Variants in DOCK9 observed in about 807,000 individuals in gnomAD.
DOCK9 encodes dedicator of cytokinesis 9, also known as dedicator of cytokinesis protein 9.
DOCK9 carries 89 observed loss-of-function variants against 263.3 expected under a neutral mutation model. The observed-to-expected ratio is 0.34, with a 90% CI of 0.28 to 0.40. The LOEUF (loss-of-function observed/expected upper bound fraction) is 0.40. DOCK9 is among the 10% of genes least tolerant of loss of function. The pLI is 1.00. For missense variants in DOCK9, 2,140 were observed against 2,603.4 expected (o/e 0.82, Z 3.87); for synonymous variants, 976 against 973.1 (o/e 1.00, Z -0.06).
intron 3 of DOCK9, among the ~76,000 whole-genome samples, chr13:98,928,070 T>C (rs1255214061): frequency 6.7e-6 from 1 of 149,796 alleles, no homozygotes; most frequent in East Asian, 1.9e-4. Context: ...GATTCATTGA[T>C]TTAACAAGCC....
chr13:99,073,480 T>C (rs989618058), intron 1 of DOCK9, among the ~76,000 whole-genome samples: 1 of 151,956 alleles, frequency 6.6e-6, no homozygotes, highest in South Asian at 2.1e-4. Flanking sequence ...TTCTATTGCA[T>C]TGAGGGCCCA....
At position 99,047,132 on chromosome 13, in the gene DOCK9, T is replaced by G. The variant is rs201525795; in HGVS notation, c.129+39091A>C. 5.3e-5 allele frequency among the ~76,000 whole-genome samples: 8 copies of G among 152,358 alleles called. No individual in the cohort carries two copies. In the East Asian group the frequency reaches 1.5e-3, roughly 29 times the overall value. ...AAATAAAAATGGCCAAGCCTATGAG[T>G]AAACTTTTCCTCATGGTAAAGTTTC... On this transcript the variant is annotated intron_variant, in intron 1 of 32. Transcript: ENST00000427887.
At chr13:98,868,686 C>T (rs1434874962) in intron 27 of DOCK9, among the ~76,000 whole-genome samples, 1 of 152,150 alleles carries the variant, frequency 6.6e-6, no homozygotes, top group Non-Finnish European at 1.5e-5. Flanking sequence ...GCCCAGCAGT[C>T]TGAGGCTGCA....
intron 1 of DOCK9, among the ~76,000 whole-genome samples, chr13:99,047,518 T>TA (rs11445079): frequency 7.0e-5 from 3 of 43,062 alleles, no homozygotes; most frequent in Middle Eastern, 0.025. Flanking sequence ...GTTCTAATCC[T>TA]TTTTTTTTTT....
chr13:98,797,104 G>A lies in DOCK9; in HGVS notation c.6156+11C>T. The A allele has an allele frequency of 1.2e-6, 2 of 1,614,002 alleles. No individual in the cohort carries two copies. The highest frequency in any genetic ancestry group is 1.7e-6 in the Non-Finnish European group (2 of 1,179,890). ...AGAACTCCAAGTTGTTGGAGCCAGT[G>A]CGGCCCTCACCTGCTCATGCATGAT... On this transcript the variant is annotated intron_variant, in intron 52 of 52. Transcript: ENST00000682017.
At chr13:98,860,800 C>CT (rs1488388914) in intron 32 of DOCK9, among the ~76,000 whole-genome samples, 1 of 152,168 alleles carries the variant, frequency 6.6e-6, no homozygotes, top group African/African-American at 2.4e-5. Context: ...TTGCTAACAC[C>CT]TTTCCCTTTC....
intron 3 of DOCK9, 100 bp downstream of exon 3, chr13:98,930,068 C>A: frequency 1.9e-6 from 2 of 1,052,306 alleles, no homozygotes. Context: ...AATACAATTA[C>A]CCTTTTGACA....
At chr13:98,858,266 C>T (rs2093756581) in intron 33 of DOCK9, 1 of 152,178 alleles carries the variant, frequency 6.6e-6, no homozygotes, top group African/African-American at 2.4e-5. Flanking sequence ...TCCCTTGGTA[C>T]CACTGAGTAG....
At chr13:99,053,919 A>G (rs2040811475) in intron 1 of DOCK9, among the ~76,000 whole-genome samples, 2 of 152,232 alleles carry the variant, frequency 1.3e-5, no homozygotes, top group African/African-American at 4.8e-5. Context: ...CATTGAAAAA[A>G]AAACACAAAG....
chr13:98,999,819 G>A (rs1409783804), intron 1 of DOCK9, among the ~76,000 whole-genome samples: 2 of 152,164 alleles, frequency 1.3e-5, no homozygotes, highest in Admixed American at 1.3e-4. Flanking sequence ...GATTTGGACA[G>A]AAGCCTGTAT....
chr13:98,996,785 G>A (rs1388522511), intron 1 of DOCK9, among the ~76,000 whole-genome samples: 1 of 152,170 alleles, frequency 6.6e-6, no homozygotes, highest in Non-Finnish European at 1.5e-5. Context: ...CCAAAAGATT[G>A]GGCACTCCTG....
At chr13:99,060,279 G>A (rs138572829) in intron 1 of DOCK9, among the ~76,000 whole-genome samples, 2,550 of 151,642 alleles carry the variant, frequency 0.017, 73 homozygotes, top group African/African-American at 0.058. Context: ...GGGTTTCACC[G>A]TGTTAGCCAG....
intron 1 of DOCK9, among the ~76,000 whole-genome samples, chr13:99,037,792 G>A (rs994369973): frequency 6.6e-6 from 1 of 152,114 alleles, no homozygotes; most frequent in Non-Finnish European, 1.5e-5. Flanking sequence ...TCAGTATAAA[G>A]AAATGAACTT....
intron 1 of DOCK9, among the ~76,000 whole-genome samples, chr13:99,049,764 C>T (rs2040602019): frequency 6.6e-6 from 1 of 152,200 alleles, no homozygotes; most frequent in Non-Finnish European, 1.5e-5. Context: ...AAGATACTCC[C>T]ACCTCAGTCT....
At chr13:98,856,970 A>G (rs933912242) in intron 33 of DOCK9, 1 of 152,234 alleles carries the variant, frequency 6.6e-6, no homozygotes, top group Non-Finnish European at 1.5e-5. Context: ...TGTGATGTCC[A>G]TGAAAAAAAC....
intron 45 of DOCK9, among the ~76,000 whole-genome samples, chr13:98,817,483 G>C (rs1284873374): frequency 1.6e-5 from 2 of 125,406 alleles, no homozygotes; most frequent in African/African-American, 7.0e-5. Context: ...GGTAGGGATA[G>C]GGTCTCACTA....
Position 99,077,731 on chromosome 13 carries a change from CT to C in DOCK9, c.129+8491del, listed in dbSNP as rs1277383490. On this transcript the variant is annotated intron_variant, in intron 1 of 32. Transcript: ENST00000427887. ...TAGAAAGGACTGTACTTCCCTGCTC[CT>C]GGAGTTCGGTGCTGCCATGTGATTT... Among the ~76,000 whole-genome samples, 5 of 152,300 alleles carry C rather than the reference CT, an allele frequency of 3.3e-5. No individual in the cohort carries two copies. The East Asian group carries it at 9.7e-4, about 29-fold the overall frequency.
intron 1 of DOCK9, among the ~76,000 whole-genome samples, chr13:99,014,583 C>T (rs1031696635): frequency 2.0e-5 from 3 of 152,230 alleles, no homozygotes; most frequent in African/African-American, 7.2e-5. Context: ...CAGATGGTAG[C>T]CTCACCAGCC....
At chr13:99,021,157 A>C (rs1886043446) in intron 1 of DOCK9, among the ~76,000 whole-genome samples, 2 of 152,222 alleles carry the variant, frequency 1.3e-5, no homozygotes, top group Admixed American at 1.3e-4. Flanking sequence ...AGTATATACC[A>C]CATGCTCAAT....
Sources: gnomAD v4.1 joint callset for allele counts (sites outside exome capture counted in the v4.1 genomes callset) on GRCh38, gnomAD v4.1.1 for gene constraint, MANE v1.5 for transcripts, NCBI Gene and HGNC (gene_info 2026-07-23, HGNC 2026-07-21) for gene names.